The following CRTAC1 variants were observed in gnomAD, a reference collection of about 807,000 sequenced individuals.
The protein encoded by CRTAC1 is cartilage acidic protein 1.
In CRTAC1, 37 loss-of-function variants were observed where a neutral mutation model predicts 67.8. That is an observed-to-expected ratio of 0.55 (90% CI 0.42 to 0.72). The LOEUF (loss-of-function observed/expected upper bound fraction) is 0.72, where lower values mean the gene tolerates loss of function less well. Ranked by LOEUF, CRTAC1 falls within the 30% of genes least tolerant of loss-of-function variation. The probability of loss-of-function intolerance (pLI) is 0.00; values close to 1 mark genes in which losing one functional copy is unlikely to be tolerated. For synonymous variants in CRTAC1, 348 were observed against 371.0 expected (o/e 0.94, Z 0.71); for missense variants, 780 against 931.6 (o/e 0.84, Z 2.12).
chr10:97,999,910 C>T (rs1033687537), intron 2 of CRTAC1, among the ~76,000 whole-genome samples: 2 of 152,178 alleles, frequency 1.3e-5, no homozygotes, highest in Non-Finnish European at 2.9e-5. Flanking sequence ...GCCCTGTCTG[C>T]AAAGAGAAGC....
At chr10:97,969,019 C>T (rs1034453374) in intron 2 of CRTAC1, among the ~76,000 whole-genome samples, 11 of 152,124 alleles carry the variant, frequency 7.2e-5, no homozygotes, top group African/African-American at 2.7e-4. Context: ...CAGAGTTTGC[C>T]CAGGACAGTC....
chr10:98,025,093 C>G (rs1843200902), intron 1 of CRTAC1, among the ~76,000 whole-genome samples: 1 of 152,114 alleles, frequency 6.6e-6, no homozygotes, highest in South Asian at 2.1e-4. Context: ...ATCCTGGCTG[C>G]TTCCCTCTCC....
chr10:97,878,126 G>A (rs998746435), intron 14 of CRTAC1, among the ~76,000 whole-genome samples: 1 of 152,228 alleles, frequency 6.6e-6, no homozygotes. Flanking sequence ...AAGATGGTGT[G>A]GTGGGAAAGG....
At chr10:98,014,207 C>T (rs529990789) in intron 1 of CRTAC1, among the ~76,000 whole-genome samples, 1 of 152,306 alleles carries the variant, frequency 6.6e-6, no homozygotes, top group Non-Finnish European at 1.5e-5. Context: ...AGTCGGCAGA[C>T]CAGTGCATCG....
In CRTAC1 at chr10:97,895,985, C is replaced by T; in HGVS notation, c.1217G>A (p.Gly406Glu). The change falls in exon 10 of 15, where the codon GGG (glycine) becomes GAG (glutamate). Residue 406 changes from glycine to glutamate, a missense_variant and splice_region_variant. Gly to Glu is a moderately conservative substitution (Grantham distance 98). Transcript: ENST00000370597. This position sits in a 1 kb window ranked among gnomAD's most constrained non-coding sequence, Gnocchi z 4.2. ...TCCGTCGAAGTCGGTCACCACACCC[C>T]CTACAAACAATGCAGATTTCACCTC... ...DALEPEGRGT[G>E]GVVTDFDGDG... 6.2e-7 allele frequency: 1 copy of T among 1,613,746 alleles called. No individual in the cohort carries two copies. Among genetic ancestry groups the T allele is most frequent in the Non-Finnish European group, 8.5e-7 (1 of 1,179,638 alleles).
intron 2 of CRTAC1, among the ~76,000 whole-genome samples, chr10:98,005,546 A>G (rs1391774011): frequency 6.6e-6 from 1 of 151,900 alleles, no homozygotes; most frequent in Non-Finnish European, 1.5e-5. Context: ...AAAAATATTT[A>G]TTCGGATTTT....
Position 97,895,516 on chromosome 10 carries a change from GA to G in CRTAC1, c.1318-104del. The G allele has an allele frequency of 9.6e-7, 1 of 1,042,756 alleles. No individual in the cohort carries two copies. Among genetic ancestry groups the G allele is most frequent in the Non-Finnish European group, 1.4e-6 (1 of 719,904 alleles). 64.6% of individuals were successfully genotyped at this position (1,042,756 alleles called of 1,614,324 possible). On this transcript the variant is annotated intron_variant, in intron 10 of 14. Coordinates refer to ENST00000370597, the MANE Select transcript of CRTAC1 (RefSeq NM_018058.7). This position sits in a 1 kb window ranked among gnomAD's most constrained non-coding sequence, Gnocchi z 4.2. ...GGAGGGGGAGAGGGAGAAGAAGGAGGAAGAGAAGAAAGCAGGCAGAGGAAAA... is the reference window on the plus strand; with the variant it reads ...GGAGGGGGAGAGGGAGAAGAAGGAGGAGAGAAGAAAGCAGGCAGAGGAAAA...
intron 14 of CRTAC1, chr10:97,878,552 TG>T (rs1284098503): frequency 8.0e-7 from 1 of 1,249,924 alleles, no homozygotes; most frequent in African/African-American, 1.6e-5. Context: ...AATAGATCTA[TG>T]TTTTATAACA....
At chr10:97,894,573 CT>C (rs2050423074) in intron 11 of CRTAC1, among the ~76,000 whole-genome samples, 1 of 150,010 alleles carries the variant, frequency 6.7e-6, no homozygotes, top group Non-Finnish European at 1.5e-5. Context: ...TTTTTTTGTA[CT>C]TTTGGTAGAG....
intron 14 of CRTAC1, among the ~76,000 whole-genome samples, chr10:97,879,336 A>G (rs1174524347): frequency 6.6e-6 from 1 of 152,160 alleles, no homozygotes; most frequent in African/African-American, 2.4e-5. Context: ...GCAAGCAACC[A>G]CCTGGGAGCC....
At chr10:97,919,408 A>T (rs1247871855) in intron 4 of CRTAC1, among the ~76,000 whole-genome samples, 1 of 152,322 alleles carries the variant, frequency 6.6e-6, no homozygotes. Context: ...AAAGAGGAGG[A>T]TGTATGTAGA....
intron 14 of CRTAC1, among the ~76,000 whole-genome samples, chr10:97,872,318 C>T (rs1182419748): frequency 2.6e-5 from 4 of 152,186 alleles, no homozygotes; most frequent in Non-Finnish European, 5.9e-5. Context: ...ATACAATTCA[C>T]CTGCAAGTGG....
intron 14 of CRTAC1, chr10:97,879,596 T>A (rs2050184910): frequency 6.8e-7 from 1 of 1,475,732 alleles, no homozygotes; most frequent in Non-Finnish European, 9.0e-7. Flanking sequence ...CTACTGGGCG[T>A]GGAGAGAGAG....
At chr10:97,866,033 C>T (rs535883681) in intron 14 of CRTAC1, 36 of 336,822 alleles carry the variant, frequency 1.1e-4, no homozygotes, top group African/African-American at 6.8e-4. Context: ...CAGCCCCTCT[C>T]CCAACCCTGC....
intron 3 of CRTAC1, among the ~76,000 whole-genome samples, chr10:97,935,279 A>C (rs1252872525): frequency 2.0e-5 from 3 of 152,196 alleles, no homozygotes; most frequent in African/African-American, 7.2e-5. Flanking sequence ...TGAGGCCTAA[A>C]TGAGATAATT....
intron 3 of CRTAC1, among the ~76,000 whole-genome samples, chr10:97,924,575 A>G (rs979822507): frequency 1.8e-4 from 27 of 152,230 alleles, no homozygotes; most frequent in African/African-American, 6.0e-4. Context: ...TCTAGGCTCC[A>G]GACTCGAGGC....
chr10:97,880,624 C>G lies in CRTAC1; in HGVS notation c.1676-232G>C, dbSNP rs1035811442. On this transcript the variant is annotated intron_variant, in intron 13 of 14. Transcript: ENST00000370597. ...GGTCCTCTCTTCTGTCTACTACAAT[C>G]GTTCTAGGTGATCTCTTCATGCATG... is the stretch of plus-strand genomic sequence containing the variant. 4.6e-5 allele frequency among the ~76,000 whole-genome samples: 7 copies of G among 152,128 alleles called. No individual in the cohort carries two copies. The East Asian group carries it at 1.3e-3, about 29-fold the overall frequency.
At chr10:97,889,789 CA>C (rs2050341204) in intron 11 of CRTAC1, among the ~76,000 whole-genome samples, 1 of 152,106 alleles carries the variant, frequency 6.6e-6, no homozygotes, top group Non-Finnish European at 1.5e-5. Context: ...AGGAAGGGGG[CA>C]GGGGCCCTGG....
intron 14 of CRTAC1, among the ~76,000 whole-genome samples, chr10:97,877,672 C>T (rs1276538450): frequency 6.6e-6 from 1 of 152,224 alleles, no homozygotes; most frequent in Non-Finnish European, 1.5e-5. Flanking sequence ...AAGCCTTATC[C>T]TGGAGTCTGA....
Sources: allele counts gnomAD v4.1 joint callset (sites outside exome capture counted in the v4.1 genomes callset), GRCh38; gene constraint gnomAD v4.1.1; non-coding constraint Gnocchi (gnomAD v3.1); transcripts MANE v1.5; gene names NCBI Gene and HGNC (gene_info 2026-07-23, HGNC 2026-07-21).